The following ADGRV1 variants were observed in gnomAD, a reference collection of about 807,000 sequenced individuals.
ADGRV1 encodes adhesion G protein-coupled receptor V1, also known as G-protein coupled receptor 98.
ADGRV1 carries 359 observed loss-of-function variants against 596.2 expected under a neutral mutation model. The ratio of observed to expected loss-of-function variants is 0.60; its 90% CI spans 0.55 to 0.66. The LOEUF is 0.66. Ranked by LOEUF, ADGRV1 falls within the 30% of genes least tolerant of loss-of-function variation. The pLI, the probability that ADGRV1 is intolerant of heterozygous loss-of-function variation, is 0.00. For synonymous variants in ADGRV1, 2,681 were observed against 2,679.2 expected (o/e 1.00, Z -0.02); for missense variants, 7,274 against 7,575.6 (o/e 0.96, Z 1.48).
At chr5:91,056,514 T>G (rs1463057095) in intron 85 of ADGRV1, among the ~76,000 whole-genome samples, 1 of 152,150 alleles carries the variant, frequency 6.6e-6, no homozygotes, top group Non-Finnish European at 1.5e-5. Flanking sequence ...ACGACAATTT[T>G]TTTTTTGAAT....
At chr5:90,813,145 A>AAAAAAAAAAAAAAAAAAAAAAC (rs1762594903) in intron 74 of ADGRV1, among the ~76,000 whole-genome samples, 1 of 98,180 alleles carries the variant, frequency 1.0e-5, no homozygotes, top group Admixed American at 1.4e-4. Flanking sequence ...AAAAAAAAAA[A>AAAAAAAAAAAAAAAAAAAAAAC]AAAAAAAAAA....
chr5:90,961,549 GGAGT>G (rs144440446), intron 83 of ADGRV1, among the ~76,000 whole-genome samples: 16,440 of 142,194 alleles, frequency 0.12, 1,646 homozygotes, highest in African/African-American at 0.25. Flanking sequence ...TATAGGGAAA[GGAGT>G]GAGAGTATCC....
chr5:90,644,114 G>GT (rs576814171), intron 14 of ADGRV1, 131 bp downstream of exon 14: 192 of 617,956 alleles, frequency 3.1e-4, no homozygotes, highest in African/African-American at 2.6e-3. Flanking sequence ...TAGTGCGGAA[G>GT]TTTTTTTTAG....
chr5:90,688,637 A>G (rs564707921), intron 29 of ADGRV1, among the ~76,000 whole-genome samples: 2 of 152,208 alleles, frequency 1.3e-5, no homozygotes, highest in South Asian at 4.1e-4. Flanking sequence ...GAGTTTTTAT[A>G]TATTTATGGC....
rs964686947 is a variant in ADGRV1, at chr5:90,753,651, G to T, written c.11199G>T (p.Glu3733Asp). Residue 3733 changes from glutamate (E) to aspartate (D), a missense_variant, in exon 54 of 90, where the codon GAG becomes GAT. Physicochemically the swap from Glu to Asp is conservative, Grantham distance 45 (BLOSUM62 2). Transcript: ENST00000405460. ...CTGATAATATACCAGAGTTATCAGAGGTTGTGATTGTAACCCTCACCCGTA... is the reference window on the plus strand; with the variant it reads ...CTGATAATATACCAGAGTTATCAGATGTTGTGATTGTAACCCTCACCCGTA... ...ILADNIPELS[E>D]VVIVTLTRIT... is the part of the protein sequence containing the mutation. 3 of 1,613,292 alleles carry T rather than the reference G, an allele frequency of 1.9e-6. No individual in the cohort carries two copies. The highest frequency in any genetic ancestry group is 1.1e-5 in the South Asian group (1 of 91,064).
chr5:90,970,626 A>G (rs966586769), intron 84 of ADGRV1, among the ~76,000 whole-genome samples: 8 of 151,498 alleles, frequency 5.3e-5, no homozygotes, highest in Non-Finnish European at 1.2e-4. Flanking sequence ...AAACTCCAGC[A>G]GACCTGCAGC....
intron 85 of ADGRV1, among the ~76,000 whole-genome samples, chr5:91,027,633 G>A (rs1376732443): frequency 2.6e-5 from 4 of 152,136 alleles, no homozygotes; most frequent in African/African-American, 9.7e-5. Context: ...GTGATGAAGA[G>A]TTCAGTTTTG....
chr5:90,854,218 T>TA lies in ADGRV1; in HGVS notation c.17594+24dup, dbSNP rs923048234. On this transcript the variant is annotated intron_variant, in intron 81 of 89. Transcript: ENST00000405460. The stretch of plus-strand genomic sequence containing the variant: ...TGCTGCAAGGTACTTATTAATAAAA[T>TA]AAAAAAATCAGAATTTGGTCCTTCC... 8 of 1,513,870 alleles carry TA rather than the reference T, an allele frequency of 5.3e-6. No homozygotes were observed. Among genetic ancestry groups the TA allele is most frequent in the South Asian group, 3.9e-5 (3 of 77,604 alleles). The allele number at this position is 1,513,870 out of a possible 1,614,324, so 93.8% of individuals were successfully genotyped here.
At position 90,784,117 on chromosome 5, in the gene ADGRV1, T is replaced by C. The variant is rs74336394; in HGVS notation, c.13653+60T>C. 3.2e-3 allele frequency: 3,362 copies of C among 1,056,130 alleles called. 82 individuals are homozygous for C. The African/African-American group carries it at 0.048, about 15-fold the overall frequency. 65.4% of individuals were successfully genotyped at this position (1,056,130 alleles called of 1,614,324 possible). On this transcript the variant is annotated intron_variant, in intron 67 of 89. Transcript: ENST00000405460. Reference sequence around the variant, plus strand: ...TTTTGATAGACTGAGTATGGTAGTGTGTTTTCTCATTGCCCAAGTATATTT... The same window carrying C: ...TTTTGATAGACTGAGTATGGTAGTGCGTTTTCTCATTGCCCAAGTATATTT...
intron 83 of ADGRV1, among the ~76,000 whole-genome samples, chr5:90,866,321 G>GTGTGTC (rs1768100048): frequency 6.6e-6 from 1 of 150,772 alleles, no homozygotes; most frequent in Non-Finnish European, 1.5e-5. Context: ...GTATATGTGT[G>GTGTGTC]TGTGTGTGTG....
chr5:91,153,407 G>C lies in ADGRV1; in HGVS notation c.18802+9G>C. 1.3e-6 allele frequency: 2 copies of C among 1,559,178 alleles called. No individual in the cohort carries two copies. The highest frequency in any genetic ancestry group is 3.9e-5 in the Admixed American group (2 of 51,684). ...ATTTGCATTAAAAACTGGTATGTATGAACCCATGAACGACATTAGAAGTAG... is the reference window on the plus strand; with the variant it reads ...ATTTGCATTAAAAACTGGTATGTATCAACCCATGAACGACATTAGAAGTAG... On this transcript the variant is annotated intron_variant, in intron 89 of 89. Coordinates refer to ENST00000405460, the MANE Select transcript of ADGRV1 (RefSeq NM_032119.4).
chr5:90,815,954 C>T (rs1358005836), intron 75 of ADGRV1, among the ~76,000 whole-genome samples: 3 of 152,040 alleles, frequency 2.0e-5, no homozygotes, highest in Non-Finnish European at 4.4e-5. Context: ...CATGAAGTAC[C>T]ATACAAATAT....
intron 43 of ADGRV1, among the ~76,000 whole-genome samples, chr5:90,719,505 C>T (rs1333966611): frequency 6.6e-6 from 1 of 152,048 alleles, no homozygotes. Flanking sequence ...ACAGTGTGTA[C>T]TCTTTTGTGT....
rs868716661 is a variant in ADGRV1, at chr5:90,847,732, C to G, written c.17020-905C>G. On this transcript the variant is annotated intron_variant, in intron 78 of 89. Coordinates refer to ENST00000405460, the MANE Select transcript of ADGRV1 (RefSeq NM_032119.4). Reference sequence around the variant, plus strand: ...GCTGGCCAAGGTGCTAAGCCCCTCACTGCCCGGGGCTGGCAGGGCTGGCTG... The same window carrying G: ...GCTGGCCAAGGTGCTAAGCCCCTCAGTGCCCGGGGCTGGCAGGGCTGGCTG... Among the ~76,000 whole-genome samples, 66 of 152,346 alleles carry G rather than the reference C, an allele frequency of 4.3e-4. 1 individual carries two copies. The highest frequency in any genetic ancestry group is 3.4e-3 in the Middle Eastern group (1 of 294).
intron 20 of ADGRV1, 40 bp downstream of exon 20, chr5:90,653,992 G>A (rs1769040876): frequency 4.5e-6 from 7 of 1,547,798 alleles, no homozygotes; most frequent in Admixed American, 2.0e-5. Context: ...GAAATTTGCA[G>A]TTTCTAAAAT....
Position 91,164,059 on chromosome 5 carries a change from G to A in ADGRV1, c.*159G>A. 1 of 691,718 alleles carries A rather than the reference G, an allele frequency of 1.4e-6. No individual in the cohort carries two copies. The highest frequency in any genetic ancestry group is 2.6e-6 in the Non-Finnish European group (1 of 378,614). 42.8% of individuals were successfully genotyped at this position (691,718 alleles called of 1,614,324 possible). On this transcript the variant is annotated 3_prime_UTR_variant, in exon 90 of 90. Transcript: ENST00000405460. Reference sequence around the variant, plus strand: ...GTATTTGGAGTATAAATTACTGATTGTATGTGACCTGAAAATTCACTGCTA... The same window carrying A: ...GTATTTGGAGTATAAATTACTGATTATATGTGACCTGAAAATTCACTGCTA...
At chr5:90,855,981 A>T in intron 82 of ADGRV1, 80 bp downstream of exon 82, 1 of 1,121,214 alleles carries the variant, frequency 8.9e-7, no homozygotes, top group Non-Finnish European at 1.3e-6. Context: ...CCTTTTACGT[A>T]TGCAAGATGC....
At chr5:91,109,569 G>T (rs1792184784) in intron 87 of ADGRV1, among the ~76,000 whole-genome samples, 1 of 152,162 alleles carries the variant, frequency 6.6e-6, no homozygotes, top group African/African-American at 2.4e-5. Context: ...CACTGAATGG[G>T]CTTTCCAAGT....
chr5:90,889,120 T>C (rs1333541207), intron 83 of ADGRV1, among the ~76,000 whole-genome samples: 1 of 152,168 alleles, frequency 6.6e-6, no homozygotes, highest in Non-Finnish European at 1.5e-5. Context: ...CAAGCATTTT[T>C]TCAAGAGCTA....
Sources: allele counts gnomAD v4.1 joint callset (sites outside exome capture counted in the v4.1 genomes callset), GRCh38; gene constraint gnomAD v4.1.1; transcripts MANE v1.5; gene names NCBI Gene and HGNC (gene_info 2026-07-23, HGNC 2026-07-21).